Variants in ZDHHC21 observed in about 807,000 individuals in gnomAD.
ZDHHC21 encodes zDHHC palmitoyltransferase 21.
Under a neutral mutation model 34.6 loss-of-function variants are expected in ZDHHC21, and 15 were observed. That is an observed-to-expected ratio of 0.43 (90% CI 0.29 to 0.67). ZDHHC21 has a LOEUF of 0.67. ZDHHC21 is among the 30% of genes least tolerant of loss of function. The pLI is 0.14. For synonymous variants in ZDHHC21, 142 were observed against 101.8 expected (o/e 1.40, Z -2.38); for missense variants, 344 against 327.7 (o/e 1.05, Z -0.38).
chr9:14,690,344 C>T lies in ZDHHC21; in HGVS notation c.-183G>A. 1 of 456,364 alleles carries T rather than the reference C, an allele frequency of 2.2e-6. No homozygotes were observed. The highest frequency in any genetic ancestry group is 4.4e-6 in the Non-Finnish European group (1 of 226,874). The allele number at this position is 456,364 out of a possible 1,614,324, so 28.3% of individuals were successfully genotyped here. On this transcript the variant is annotated 5_prime_UTR_variant, in exon 2 of 10. Transcript: ENST00000380916. ...AGAAAAATCTCTCCTCACCTGCTTG[C>T]TGAAGCTGAAAATCCTGCAGTAAGT...
In ZDHHC21 at chr9:14,662,289, C is replaced by T. The variant is rs773263065; in HGVS notation, c.291G>A (p.Leu97=). Residue 97 remains leucine, a synonymous_variant, in exon 6 of 10, where the codon TTG becomes TTA. Transcript: ENST00000380916. ...AGTGATGGGAACGCTTTGGTCTCAT[C>T]AAATTACACTTGTTACATAATTCCC... ...EFWELCNKCN[L]MRPKRSHHCS... is the part of the protein sequence containing the mutation. 1.9e-6 allele frequency: 3 copies of T among 1,611,726 alleles called. No homozygotes were observed. Among genetic ancestry groups the T allele is most frequent in the Non-Finnish European group, 1.7e-6 (2 of 1,179,194 alleles).
In ZDHHC21 at chr9:14,632,684, TCAC is replaced by T. The variant is rs1485933481; in HGVS notation, c.621+7209_621+7211del. Among the ~76,000 whole-genome samples the T allele has an allele frequency of 7.1e-4, 104 of 147,384 alleles. 44 individuals carry two copies. Among genetic ancestry groups the T allele is most frequent in the East Asian group, 1.4e-3 (7 of 5,102 alleles). The stretch of plus-strand genomic sequence containing the variant: ...AAGAGAATGTGAGAATATTTGCAAA[TCAC>T]ATATTTGCAAATAATATATCTGAAA... On this transcript the variant is annotated intron_variant, in intron 8 of 9. Transcript: ENST00000380916.
intron 7 of ZDHHC21, among the ~76,000 whole-genome samples, chr9:14,651,494 T>C (rs1285653474): frequency 6.6e-6 from 1 of 151,898 alleles, no homozygotes; most frequent in East Asian, 1.9e-4. Context: ...TTCTCTGAAT[T>C]TCAGTTACCT....
chr9:14,652,743 T>G (rs867296813), intron 7 of ZDHHC21, among the ~76,000 whole-genome samples: 55 of 152,046 alleles, frequency 3.6e-4, no homozygotes, highest in African/African-American at 1.2e-3. Context: ...CGTACCAGTT[T>G]TCTACTGAAT....
intron 8 of ZDHHC21, among the ~76,000 whole-genome samples, chr9:14,627,660 TAA>T (rs1826514741): frequency 6.6e-6 from 1 of 152,114 alleles, no homozygotes; most frequent in Non-Finnish European, 1.5e-5. Flanking sequence ...AAAAATTAGA[TAA>T]ACTGTCAGAG....
rs1381033745 is a variant in ZDHHC21 at position 14,693,317 on chromosome 9, T to C, written c.-313A>G. On this transcript the variant is annotated 5_prime_UTR_variant, in exon 1 of 10. Coordinates refer to ENST00000380916, the MANE Select transcript of ZDHHC21 (RefSeq NM_178566.6). ...CTCCTGCCGCGCCACCTCCGCCTCC[T>C]CCGGCGCCGCCGCCCAGGCCGGGCC... is the stretch of plus-strand genomic sequence containing the variant. 4.8e-6 allele frequency: 2 copies of C among 416,888 alleles called. No homozygotes were observed. The highest frequency in any genetic ancestry group is 1.6e-5 in the South Asian group (1 of 60,732). The allele number at this position is 416,888 out of a possible 1,614,324, so 25.8% of individuals were successfully genotyped here. A position where few individuals can be genotyped will look rare whatever the true frequency, so the allele number is the denominator to read the frequency against.
the ZDHHC21 span, among the ~76,000 whole-genome samples, chr9:14,598,669 A>G: frequency 6.6e-6 from 1 of 152,218 alleles, no homozygotes; most frequent in Non-Finnish European, 1.5e-5. Flanking sequence ...GCTCAGTGAA[A>G]TATAAGAGAA....
chr9:14,688,087 CAT>C (rs1838615702), intron 2 of ZDHHC21, among the ~76,000 whole-genome samples: 1 of 149,080 alleles, frequency 6.7e-6, no homozygotes, highest in Admixed American at 6.6e-5. Context: ...TTAAATATCA[CAT>C]AGATATTCAG....
the ZDHHC21 span, among the ~76,000 whole-genome samples, chr9:14,597,982 A>C: frequency 6.6e-6 from 1 of 152,106 alleles, no homozygotes; most frequent in African/African-American, 2.4e-5. Flanking sequence ...TGCCACCGCA[A>C]CTGGTGCCCA....
intron 7 of ZDHHC21, among the ~76,000 whole-genome samples, chr9:14,651,378 G>A (rs1185135576): frequency 2.6e-5 from 4 of 151,808 alleles, no homozygotes; most frequent in Non-Finnish European, 5.9e-5. Flanking sequence ...AGTATTGAAT[G>A]GGAGTTTGAA....
intron 3 of ZDHHC21, 85 bp from the exon 4 acceptor site, chr9:14,674,470 C>T (rs1186004099): frequency 4.0e-6 from 3 of 758,502 alleles, no homozygotes; most frequent in Non-Finnish European, 6.1e-6. Flanking sequence ...TATAAAATGA[C>T]ATTGAGTTTT....
Position 14,611,662 on chromosome 9 carries a change from A to T in ZDHHC21, c.*7304T>A, listed in dbSNP as rs1438070413. 4 of 151,872 alleles carry T rather than the reference A, an allele frequency of 2.6e-5. No individual in the cohort carries two copies. The highest frequency in any genetic ancestry group is 9.7e-5 in the African/African-American group (4 of 41,286). 9.4% of individuals were successfully genotyped at this position (151,872 alleles called of 1,614,324 possible). On this transcript the variant is annotated 3_prime_UTR_variant, in exon 10 of 10. Transcript: ENST00000380916. ...CATAATTTTAGGAGCCTCAAGAATA[A>T]CATAGATTTTGGCTATTCATTAAAC... is the stretch of plus-strand genomic sequence containing the variant.
At chr9:14,658,135 C>T (rs1249843945) in intron 7 of ZDHHC21, among the ~76,000 whole-genome samples, 1 of 152,080 alleles carries the variant, frequency 6.6e-6, no homozygotes, top group Non-Finnish European at 1.5e-5. Context: ...CATTTTTATT[C>T]CTGAAAAGAA....
At chr9:14,624,363 G>T (rs1825849032) in intron 8 of ZDHHC21, among the ~76,000 whole-genome samples, 1 of 152,044 alleles carries the variant, frequency 6.6e-6, no homozygotes, top group African/African-American at 2.4e-5. Context: ...AAATCAGTAT[G>T]TCAGAGTCCC....
intron 1 of ZDHHC21, among the ~76,000 whole-genome samples, chr9:14,691,856 C>G (rs1839207900): frequency 6.6e-6 from 1 of 152,168 alleles, no homozygotes; most frequent in Non-Finnish European, 1.5e-5. Flanking sequence ...AATGTACCTT[C>G]AAACCACGTT....
chr9:14,623,949 A>G (rs1825763028), intron 8 of ZDHHC21, among the ~76,000 whole-genome samples: 1 of 152,128 alleles, frequency 6.6e-6, no homozygotes, highest in Non-Finnish European at 1.5e-5. Flanking sequence ...TATAAAAAAC[A>G]GTATGGAGGC....
At chr9:14,600,700 C>T in the ZDHHC21 span, among the ~76,000 whole-genome samples, 7 of 152,122 alleles carry the variant, frequency 4.6e-5, no homozygotes, top group East Asian at 7.7e-4. Context: ...CAAGAGAATC[C>T]GAAGCAAAAA....
chr9:14,619,160 A>G (rs576606578), intron 9 of ZDHHC21, 62 bp from the exon 10 acceptor site: 10 of 1,520,504 alleles, frequency 6.6e-6, no homozygotes, highest in Non-Finnish European at 8.8e-6. Context: ...AGTCAGCTAA[A>G]ACAATACAGA....
chr9:14,657,403 A>G (rs1251716455), intron 7 of ZDHHC21, among the ~76,000 whole-genome samples: 1 of 152,164 alleles, frequency 6.6e-6, no homozygotes, highest in Non-Finnish European at 1.5e-5. Context: ...CAGAGAGGTT[A>G]AACAATGTGT....
Sources: allele counts gnomAD v4.1 joint callset (sites outside exome capture counted in the v4.1 genomes callset), GRCh38; gene constraint gnomAD v4.1.1; transcripts MANE v1.5; gene names NCBI Gene and HGNC (gene_info 2026-07-23, HGNC 2026-07-21).